BSN: variants seen among roughly 807,000 people sequenced by gnomAD.
The protein encoded by BSN is bassoon presynaptic cytomatrix protein, also known as protein bassoon.
A neutral mutation model predicts 264.8 loss-of-function variants in BSN; 57 were observed. That is an observed-to-expected ratio of 0.22 (90% confidence interval 0.17 to 0.27). The LOEUF is 0.27. Ranked by LOEUF, BSN falls within the 10% of genes least tolerant of loss-of-function variation. The probability of loss-of-function intolerance (pLI) is 1.00; values close to 1 mark genes in which losing one functional copy is unlikely to be tolerated. For synonymous variants in BSN, 2,059 were observed against 2,137.3 expected, an observed-to-expected ratio of 0.96 and a Z score of 1.01; for missense variants, 4,615 against 5,232.5, an observed-to-expected ratio of 0.88 and a Z score of 3.64.
chr3:49,557,525 C>T (rs2051682187), intron 1 of BSN, among the ~76,000 whole-genome samples: 1 of 151,662 alleles, frequency 6.6e-6, no homozygotes, highest in Non-Finnish European at 1.5e-5. Context: ...CCATGTAGAC[C>T]AGTGGCAGCC....
chr3:49,666,884 T>G (rs1273269710), intron 11 of BSN, among the ~76,000 whole-genome samples: 1 of 152,036 alleles, frequency 6.6e-6, no homozygotes, highest in Non-Finnish European at 1.5e-5. Flanking sequence ...CTTCCTGCCT[T>G]CACCCTCCCA....
At position 49,662,147 on chromosome 3, in the gene BSN, C is replaced by T; in HGVS notation, c.10302C>T (p.Asp3434=). The T allele has an allele frequency of 6.2e-7, 1 of 1,613,538 alleles. No individual in the cohort carries two copies. The highest frequency in any genetic ancestry group is 2.2e-5 in the East Asian group (1 of 44,888). Residue 3434 remains aspartate (D), a synonymous_variant, in exon 6 of 12, where the codon GAC becomes GAT. Transcript: ENST00000296452. The part of the protein sequence containing the change: ...GMSSRDAVED[D]RIYGGSSRSR... ...CCAGCCGGGACGCAGTGGAGGACGA[C>T]CGCATTTATGGCGGGAGCAGCCGGT... is the stretch of plus-strand genomic sequence containing the variant.
chr3:49,592,173 G>A (rs1433327100), intron 1 of BSN, among the ~76,000 whole-genome samples: 1 of 151,570 alleles, frequency 6.6e-6, no homozygotes, highest in Non-Finnish European at 1.5e-5. Context: ...GCAGTGGCAT[G>A]ATCTCCACTC....
chr3:49,657,010 G>A lies in BSN; in HGVS notation c.7454G>A (p.Gly2485Asp), dbSNP rs575107437. 3 of 1,610,536 alleles carry A rather than the reference G, an allele frequency of 1.9e-6. No homozygotes were observed. In the African/African-American group the frequency reaches 4.0e-5, roughly 21 times the overall value. ...APFPAACEAP[G>D]RGPPLAAAEL... ...TTTCCTGCAGCCTGTGAGGCACCTGGCCGAGGGCCTCCCCTAGCGGCTGCT... is the reference window on the plus strand; with the variant it reads ...TTTCCTGCAGCCTGTGAGGCACCTGACCGAGGGCCTCCCCTAGCGGCTGCT... Residue 2485 changes from glycine (G) to aspartate (D), a missense_variant, in exon 5 of 12, where the codon GGC becomes GAC. Transcript: ENST00000296452.
intron 1 of BSN, among the ~76,000 whole-genome samples, chr3:49,567,792 A>G (rs1457624555): frequency 6.6e-6 from 1 of 152,246 alleles, no homozygotes; most frequent in African/African-American, 2.4e-5. Context: ...TGGGCAGAGC[A>G]CAGTAGAATG....
chr3:49,557,104 A>G (rs1401261581), intron 1 of BSN, among the ~76,000 whole-genome samples: 1 of 152,206 alleles, frequency 6.6e-6, no homozygotes, highest in Non-Finnish European at 1.5e-5. Context: ...CATGAGTAGC[A>G]GTGCTGCCAC....
At chr3:49,592,764 A>G (rs1019425790) in intron 1 of BSN, among the ~76,000 whole-genome samples, 3 of 151,958 alleles carry the variant, frequency 2.0e-5, no homozygotes, top group East Asian at 3.9e-4. Flanking sequence ...AAAAAAAAAA[A>G]GAAATAATAC....
intron 1 of BSN, among the ~76,000 whole-genome samples, chr3:49,608,116 G>C (rs775982344): frequency 2.0e-5 from 3 of 152,210 alleles, no homozygotes; most frequent in Non-Finnish European, 4.4e-5. Flanking sequence ...ATTGTCCACA[G>C]GGAGAATCTA....
rs6771620 is a variant in BSN, at chr3:49,606,227, C to T, written c.225-18748C>T. On this transcript the variant is annotated intron_variant, in intron 1 of 11. Transcript: ENST00000296452. ...ATTATATATGTATATATTATATATA[C>T]ATATATTATATATGTATATATTATA... Among the ~76,000 whole-genome samples, 79 of 13,638 alleles carry T rather than the reference C, an allele frequency of 5.8e-3. 2 individuals are homozygous for T. Among genetic ancestry groups the T allele is most frequent in the African/African-American group, 0.022 (76 of 3,486 alleles). 8.9% of individuals were successfully genotyped at this position (13,638 alleles called of 152,430 possible). A position where few individuals can be genotyped will look rare whatever the true frequency, so the allele number is the denominator to read the frequency against.
Position 49,655,235 on chromosome 3 carries a change from G to T in BSN, c.5679G>T (p.Arg1893Ser). 6.2e-7 allele frequency: 1 copy of T among 1,613,118 alleles called. No individual in the cohort carries two copies. Among genetic ancestry groups the T allele is most frequent in the Non-Finnish European group, 8.5e-7 (1 of 1,179,946 alleles). The change falls in exon 5 of 12, where the codon AGG becomes AGT. Residue 1893 changes from arginine to serine, a missense_variant. Coordinates refer to ENST00000296452, the MANE Select transcript of BSN (RefSeq NM_003458.4). Reference sequence around the variant, plus strand: ...GTGCCCTGGACCTTACCGGGATGAGGCCTGAGAGCCAGCTGGCATGCTGTG... The same window carrying T: ...GTGCCCTGGACCTTACCGGGATGAGTCCTGAGAGCCAGCTGGCATGCTGTG... ...PAGALDLTGM[R>S]PESQLACCDM... is the part of the protein sequence containing the mutation.
In BSN at chr3:49,655,315, C is replaced by G. The variant is rs751460767; in HGVS notation, c.5759C>G (p.Ala1920Gly). 5.0e-6 allele frequency: 8 copies of G among 1,610,394 alleles called. No homozygotes were observed. The Admixed American group carries it at 1.2e-4, about 24-fold the overall frequency. ...GSSCTGTFHP[A>G]PSVPEKSMAD... is the part of the protein sequence containing the mutation. ...AGCTGCACTGGCACCTTCCACCCGGCCCCCAGTGTGCCTGAGAAGAGCATG... is the reference window on the plus strand; with the variant it reads ...AGCTGCACTGGCACCTTCCACCCGGGCCCCAGTGTGCCTGAGAAGAGCATG... The change falls in exon 5 of 12, where the codon GCC (alanine) becomes GGC (glycine). Residue 1920 changes from alanine (A) to glycine (G), a missense_variant. Ala to Gly is a moderately conservative substitution (Grantham distance 60). Coordinates refer to ENST00000296452, the MANE Select transcript of BSN (RefSeq NM_003458.4).
intron 1 of BSN, among the ~76,000 whole-genome samples, chr3:49,619,475 A>G (rs1352253929): frequency 6.6e-6 from 1 of 152,252 alleles, no homozygotes; most frequent in Non-Finnish European, 1.5e-5. Context: ...CTGGTGGCCT[A>G]GATATTGGAA....
intron 1 of BSN, among the ~76,000 whole-genome samples, chr3:49,613,780 T>C (rs950928857): frequency 2.6e-5 from 4 of 151,972 alleles, no homozygotes; most frequent in African/African-American, 9.7e-5. Context: ...AGTGCTGGGA[T>C]TACAGGCATG....
chr3:49,668,548 A>G lies in BSN; in HGVS notation c.*1063A>G, dbSNP rs1414893209. The G allele has an allele frequency of 6.6e-6, 1 of 152,216 alleles. No homozygotes were observed. Among genetic ancestry groups the G allele is most frequent in the Non-Finnish European group, 1.5e-5 (1 of 67,956 alleles). 9.4% of individuals were successfully genotyped at this position (152,216 alleles called of 1,614,324 possible). A position where few individuals can be genotyped will look rare whatever the true frequency, so the allele number is the denominator to read the frequency against. On this transcript the variant is annotated 3_prime_UTR_variant, in exon 12 of 12. Coordinates refer to ENST00000296452, the MANE Select transcript of BSN (RefSeq NM_003458.4). The stretch of plus-strand genomic sequence containing the variant: ...CAGGGAGAATGTTGACTTAGAAGCA[A>G]TAGGGGGCAGCAGGCCACCAAGAGC...
At chr3:49,572,897 G>A (rs560386359) in intron 1 of BSN, among the ~76,000 whole-genome samples, 4 of 152,284 alleles carry the variant, frequency 2.6e-5, no homozygotes, top group African/African-American at 7.2e-5. Flanking sequence ...GAGGAAGGCC[G>A]GTGAATAGGC....
Position 49,642,995 on chromosome 3 carries a change from A to G in BSN, c.1361A>G (p.Lys454Arg), listed in dbSNP as rs757978302. 1.9e-6 allele frequency: 3 copies of G among 1,614,128 alleles called. No homozygotes were observed. Among genetic ancestry groups the G allele is most frequent in the Non-Finnish European group, 2.5e-6 (3 of 1,180,028 alleles). Residue 454 changes from lysine (K) to arginine (R), a missense_variant, in exon 3 of 12, where the codon AAG (lysine) becomes AGG (arginine). Physicochemically the swap from Lys to Arg is conservative, Grantham distance 26. This residue lies in a region of BSN where 1,197 missense variants were observed against 1,348.0 expected (regional missense o/e 0.89). Transcript: ENST00000296452. This position sits in a 1 kb window ranked among gnomAD's most constrained non-coding sequence, Gnocchi z 7.0. ...EHQAASKAAAKPKTMPKERAI... is the reference protein window; with the variant it reads ...EHQAASKAAARPKTMPKERAI... ...CAGGCAGCATCGAAGGCTGCTGCCA[A>G]GCCAAAGACCATGCCGAAGGAAAGG...
At chr3:49,591,260 A>G (rs1418653977) in intron 1 of BSN, among the ~76,000 whole-genome samples, 1 of 152,178 alleles carries the variant, frequency 6.6e-6, no homozygotes, top group Non-Finnish European at 1.5e-5. Flanking sequence ...CAAACATATT[A>G]CACTTCTATA....
chr3:49,643,172 T>C lies in BSN; in HGVS notation c.1518+20T>C, dbSNP rs1281281823. 1.0e-5 allele frequency: 16 copies of C among 1,594,404 alleles called. No individual in the cohort carries two copies. Among genetic ancestry groups the C allele is most frequent in the Admixed American group, 1.7e-5 (1 of 59,090 alleles). ...GTGGAGGTAAGAGCTGGACCAAGCA[T>C]GCTCCCTTGAACCTTGATGAGAGGC... On this transcript the variant is annotated intron_variant, in intron 3 of 11. Transcript: ENST00000296452.
At position 49,661,681 on chromosome 3, in the gene BSN, C is replaced by G; in HGVS notation, c.9836C>G (p.Thr3279Arg). 1 of 1,613,744 alleles carries G rather than the reference C, an allele frequency of 6.2e-7. No homozygotes were observed. Among genetic ancestry groups the G allele is most frequent in the South Asian group, 1.1e-5 (1 of 91,086 alleles). ...PGEPGVLDGP[T>R]LPCCYARGEE... ...GAACCAGGTGTCCTTGACGGGCCCACACTGCCCTGCTGCTATGCCAGAGGA... is the reference window on the plus strand; with the variant it reads ...GAACCAGGTGTCCTTGACGGGCCCAGACTGCCCTGCTGCTATGCCAGAGGA... Residue 3279 changes from threonine (T) to arginine (R), a missense_variant, in exon 6 of 12, where the codon ACA becomes AGA. Transcript: ENST00000296452.
Sources: gnomAD v4.1 joint callset for allele counts (sites outside exome capture counted in the v4.1 genomes callset) on GRCh38, gnomAD v4.1.1 for gene constraint, gnomAD v4.1.1 regional missense constraint, Gnocchi (gnomAD v3.1) non-coding constraint, MANE v1.5 for transcripts, NCBI Gene and HGNC (gene_info 2026-07-23, HGNC 2026-07-21) for gene names.